The following PLPP2 variants were observed in gnomAD, a reference collection of about 807,000 sequenced individuals.
The protein encoded by PLPP2 is phospholipid phosphatase 2, also known as PAP2-gamma.
In PLPP2, 29 loss-of-function variants were observed where a neutral mutation model predicts 35.2. The ratio of observed to expected loss-of-function variants is 0.82; its 90% CI spans 0.61 to 1.12. The LOEUF is 1.12. Among genes scored for constraint, PLPP2 ranks in the 50% most tolerant of loss-of-function variants. PLPP2 has a pLI of 0.00. For synonymous variants in PLPP2, 162 were observed against 167.0 expected, an observed-to-expected ratio of 0.97 and a Z score of 0.23; for missense variants, 353 against 375.2, an observed-to-expected ratio of 0.94 and a Z score of 0.49.
chr19:282,091 T>C, intron 5 of PLPP2, 43 bp downstream of exon 5: 1 of 1,605,034 alleles, frequency 6.2e-7, no homozygotes, highest in Non-Finnish European at 8.5e-7. Context: ...TGGGGAGTGG[T>C]CTCTGGACAA....
intron 1 of PLPP2, among the ~76,000 whole-genome samples, chr19:288,734 A>G (rs758600274): frequency 3.3e-5 from 5 of 152,056 alleles, no homozygotes; most frequent in Non-Finnish European, 7.4e-5. Context: ...TCCTTATGCA[A>G]ACCTCATGTG....
intron 1 of PLPP2, among the ~76,000 whole-genome samples, chr19:289,968 G>A (rs1970351990): frequency 6.6e-6 from 1 of 152,144 alleles, no homozygotes; most frequent in East Asian, 1.9e-4. Flanking sequence ...CCCTGCCCCA[G>A]CAACTCCAAC....
In PLPP2 at chr19:281,265, C is replaced by T; in HGVS notation, c.*123G>A. 1 of 990,316 alleles carries T rather than the reference C, an allele frequency of 1.0e-6. No homozygotes were observed. The highest frequency in any genetic ancestry group is 1.3e-6 in the Non-Finnish European group (1 of 756,326). 61.3% of individuals were successfully genotyped at this position (990,316 alleles called of 1,614,324 possible). A position where few individuals can be genotyped will look rare whatever the true frequency, so the allele number is the denominator to read the frequency against. On this transcript the variant is annotated 3_prime_UTR_variant, in exon 6 of 6. Transcript: ENST00000434325. ...GGGGCAGCGGAGCCCGCTCACTGCT[C>T]CCATCAGCCCAGGGTTCCTGGAGCC...
At chr19:283,409 C>G (rs575634081) in intron 3 of PLPP2, 2 of 153,082 alleles carry the variant, frequency 1.3e-5, no homozygotes. Context: ...ATTCCAAGAA[C>G]AGACTTTATT....
chr19:291,306 C>G lies in PLPP2; in HGVS notation c.31G>C (p.Asp11His). ...TTACCGACCAGTAAGCACAGCACGTCGAGCAGCACGAAGACCCACCTCCGC... is the reference window on the plus strand; with the variant it reads ...TTACCGACCAGTAAGCACAGCACGTGGAGCAGCACGAAGACCCACCTCCGC... Reference protein sequence around the residue: MQRRWVFVLLDVLCLLVASLP... With the variant: MQRRWVFVLLHVLCLLVASLP... The change falls in exon 1 of 6, where the codon GAC becomes CAC. Residue 11 changes from aspartate to histidine, a missense_variant. By Grantham distance (81) the Asp-to-His change is moderately conservative (BLOSUM62 -1). Coordinates refer to ENST00000434325, the MANE Select transcript of PLPP2 (RefSeq NM_003712.4). 1 of 1,600,944 alleles carries G rather than the reference C, an allele frequency of 6.2e-7. No homozygotes were observed. The highest frequency in any genetic ancestry group is 8.5e-7 in the Non-Finnish European group (1 of 1,174,950).
chr19:282,592 C>G (rs1970202488), intron 4 of PLPP2, among the ~76,000 whole-genome samples, 160 bp downstream of exon 4: 1 of 152,022 alleles, frequency 6.6e-6, no homozygotes, highest in Non-Finnish European at 1.5e-5. Context: ...CGGAGGCAAA[C>G]ACTGGTCAGC....
At chr19:288,913 C>G (rs1042644243) in intron 1 of PLPP2, among the ~76,000 whole-genome samples, 9 of 152,132 alleles carry the variant, frequency 5.9e-5, no homozygotes, top group Admixed American at 2.0e-4. Flanking sequence ...CTTCTTTTAA[C>G]CTAAGAGCAG....
At chr19:282,485 C>A (rs565652375) in intron 4 of PLPP2, among the ~76,000 whole-genome samples, 175 bp from the exon 5 acceptor site, 5 of 141,624 alleles carry the variant, frequency 3.5e-5, no homozygotes, top group African/African-American at 1.1e-4. Flanking sequence ...GTTAGCCTTG[C>A]GCCTGCCAGG....
At position 288,120 on chromosome 19, in the gene PLPP2, C is replaced by T. The variant is rs1970307785; in HGVS notation, c.104G>A (p.Gly35Glu). The part of the protein sequence containing the change: ...LTLVNAPYKR[G>E]FYCGDDSIRY... Reference sequence around the variant, plus strand: ...GATGGAGTCATCCCCGCAGTAAAATCCTCGCTTGTACGGGGCGTTCACCAG... The same window carrying T: ...GATGGAGTCATCCCCGCAGTAAAATTCTCGCTTGTACGGGGCGTTCACCAG... The change falls in exon 2 of 6, where the codon GGA (glycine) becomes GAA (glutamate). Residue 35 changes from glycine (G) to glutamate (E), a missense_variant. Coordinates refer to ENST00000434325, the MANE Select transcript of PLPP2 (RefSeq NM_003712.4). 1 of 1,612,392 alleles carries T rather than the reference C, an allele frequency of 6.2e-7. No individual in the cohort carries two copies. Among genetic ancestry groups the T allele is most frequent in the Admixed American group, 1.7e-5 (1 of 59,872 alleles).
At position 281,334 on chromosome 19, in the gene PLPP2, T is replaced by G. The variant is rs1034332616; in HGVS notation, c.*54A>C. On this transcript the variant is annotated 3_prime_UTR_variant, in exon 6 of 6. Coordinates refer to ENST00000434325, the MANE Select transcript of PLPP2 (RefSeq NM_003712.4). ...CCTAACCAGGGCTGGAGGGACCACC[T>G]GGGTGGGCCTCAGCTGGACTCACAG... 6.0e-6 allele frequency: 8 copies of G among 1,342,036 alleles called. No homozygotes were observed. The highest frequency in any genetic ancestry group is 5.6e-4 in the Middle Eastern group (2 of 3,556). The allele number at this position is 1,342,036 out of a possible 1,614,324, so 83.1% of individuals were successfully genotyped here.
At chr19:290,917 C>T in intron 1 of PLPP2, 3 of 1,223,486 alleles carry the variant, frequency 2.5e-6, no homozygotes, top group Non-Finnish European at 2.0e-6. Flanking sequence ...GGGTAACCCG[C>T]GGCCGCCCCC....
In PLPP2 at chr19:290,906, G is replaced by A. The variant is rs1010034447; in HGVS notation, c.52+379C>T. 10 of 1,216,744 alleles carry A rather than the reference G, an allele frequency of 8.2e-6. No homozygotes were observed. In the Admixed American group the frequency reaches 1.3e-4, roughly 16 times the overall value. The allele number at this position is 1,216,744 out of a possible 1,614,324, so 75.4% of individuals were successfully genotyped here. On this transcript the variant is annotated intron_variant, in intron 1 of 5. Transcript: ENST00000434325. The stretch of plus-strand genomic sequence containing the variant: ...GGGGCGGAGGCGCGGACGTCCTGCC[G>A]GGGTAACCCGCGGCCGCCCCCACCT...
chr19:288,745 G>T (rs1970322216), intron 1 of PLPP2, among the ~76,000 whole-genome samples: 1 of 152,136 alleles, frequency 6.6e-6, no homozygotes, highest in Non-Finnish European at 1.5e-5. Context: ...ACCTCATGTG[G>T]AATTTGGCAG....
rs369147103 is a variant in PLPP2 at position 282,153 on chromosome 19, G to A, written c.698C>T (p.Ala233Val). ...GCTCACAGTGAGGGCAGCCACCAGT[G>A]CCCCCTGCAGGAGGCCAACAAGGAC... ...SDVLVGLLQG[A>V]LVAALTVCYI... Residue 233 changes from alanine to valine, a missense_variant, in exon 5 of 6, where the codon GCA becomes GTA. By Grantham distance (64) the Ala-to-Val change is moderately conservative (BLOSUM62 0). Coordinates refer to ENST00000434325, the MANE Select transcript of PLPP2 (RefSeq NM_003712.4). The A allele has an allele frequency of 1.2e-5, 19 of 1,613,466 alleles. No individual in the cohort carries two copies. The African/African-American group carries it at 2.5e-4, about 22-fold the overall frequency.
At chr19:290,916 G>A in intron 1 of PLPP2, 3 of 1,222,516 alleles carry the variant, frequency 2.5e-6, no homozygotes, top group South Asian at 4.1e-5. Flanking sequence ...GGGGTAACCC[G>A]CGGCCGCCCC....
chr19:288,552 T>A (rs1205509813), intron 1 of PLPP2: 1 of 159,612 alleles, frequency 6.3e-6, no homozygotes, highest in Admixed American at 6.0e-5. Context: ...AGCATCAGCC[T>A]CCCAAAGTGC....
chr19:287,469 C>T lies in PLPP2; in HGVS notation c.482+5G>A. ...CAAGAGTGAAGGCTGCTGGTCCACA[C>T]CCACCTGGCCTCGGTGACATCAGCA... On this transcript the variant is annotated splice_donor_5th_base_variant and intron_variant, in intron 3 of 5. Coordinates refer to ENST00000434325, the MANE Select transcript of PLPP2 (RefSeq NM_003712.4). The surrounding 1 kb of genome is among the most constrained non-coding windows in gnomAD (Gnocchi z 4.3). 2 of 1,604,326 alleles carry T rather than the reference C, an allele frequency of 1.2e-6. No individual in the cohort carries two copies. The highest frequency in any genetic ancestry group is 1.7e-6 in the Non-Finnish European group (2 of 1,172,806).
Position 281,190 on chromosome 19 carries a change from T to C in PLPP2, c.*198A>G. ...CGACGGGAACAGGTTCCCCTCCAAA[T>C]GCTGAGGGCTACCCAGGCATCTCCA... On this transcript the variant is annotated 3_prime_UTR_variant, in exon 6 of 6. Transcript: ENST00000434325. The C allele has an allele frequency of 2.2e-6, 1 of 445,904 alleles. No individual in the cohort carries two copies. Among genetic ancestry groups the C allele is most frequent in the Non-Finnish European group, 3.7e-6 (1 of 270,502 alleles). 27.6% of individuals were successfully genotyped at this position (445,904 alleles called of 1,614,324 possible).
chr19:282,808 A>ACCTGAG lies in PLPP2; in HGVS notation c.483-5_483dup (p.Arg161_Leu162dup), dbSNP rs1491383798. The ACCTGAG allele has an allele frequency of 6.8e-6, 11 of 1,613,230 alleles. No individual in the cohort carries two copies. Among genetic ancestry groups the ACCTGAG allele is most frequent in the Admixed American group, 1.7e-5 (1 of 59,978 alleles). On this transcript the variant is annotated inframe_insertion and splice_region_variant, in exon 4 of 6. Coordinates refer to ENST00000434325, the MANE Select transcript of PLPP2 (RefSeq NM_003712.4). ...GAAGAGTGTCCCGAGTAGAAAGACAACCTGAGGAAGGAGAAGGGGCAGGTG... is the reference window on the plus strand; with the variant it reads ...GAAGAGTGTCCCGAGTAGAAAGACAACCTGAGCCTGAGGAAGGAGAAGGGGCAGGTG...
Sources: gnomAD v4.1 joint callset for allele counts (sites outside exome capture counted in the v4.1 genomes callset) on GRCh38, gnomAD v4.1.1 for gene constraint, Gnocchi (gnomAD v3.1) non-coding constraint, MANE v1.5 for transcripts, NCBI Gene and HGNC (gene_info 2026-07-23, HGNC 2026-07-21) for gene names.